The following CCDC7 variants were observed in gnomAD, a reference collection of about 807,000 sequenced individuals.
The protein encoded by CCDC7 is coiled-coil domain containing 7.
A neutral mutation model predicts 196.9 loss-of-function variants in CCDC7; 183 were observed. The observed-to-expected ratio is 0.93, with a 90% CI of 0.82 to 1.05. CCDC7 has a LOEUF of 1.05. Among genes scored for constraint, CCDC7 ranks in the 50% least tolerant of loss-of-function variants. The pLI is 0.00. For missense variants in CCDC7, 1,540 were observed against 1,482.2 expected (o/e 1.04, Z -0.64); for synonymous variants, 525 against 484.6 (o/e 1.08, Z -1.10).
chr10:32,572,112 A>T (rs1336932288), intron 16 of CCDC7, among the ~76,000 whole-genome samples: 1 of 152,150 alleles, frequency 6.6e-6, no homozygotes, highest in Non-Finnish European at 1.5e-5. Context: ...TAAATTAAGG[A>T]CAATGTAGAA....
chr10:32,762,132 G>A (rs1003491248), intron 28 of CCDC7, among the ~76,000 whole-genome samples: 1 of 152,046 alleles, frequency 6.6e-6, no homozygotes, highest in Middle Eastern at 3.4e-3. Flanking sequence ...TTCTTCCTGA[G>A]GAATAAAGGG....
At chr10:32,640,491 G>A (rs1205987869) in intron 20 of CCDC7, among the ~76,000 whole-genome samples, 3 of 152,232 alleles carry the variant, frequency 2.0e-5, no homozygotes. Context: ...TTTAATTGGA[G>A]CTTTTAGCCT....
At chr10:32,593,011 G>A (rs11815761) in intron 18 of CCDC7, among the ~76,000 whole-genome samples, 7,785 of 152,126 alleles carry the variant, frequency 0.051, 657 homozygotes, top group African/African-American at 0.18. Context: ...ATAAACATAT[G>A]TGTGCATGTG....
rs573444823 is a variant in CCDC7 at position 32,472,309 on chromosome 10, A to G, written c.678-172A>G. ...TTACATAGTTTAGTTTGACTTTTCAACTTGTAACTTGTAAGTTTACCTTAG... is the reference window on the plus strand; with the variant it reads ...TTACATAGTTTAGTTTGACTTTTCAGCTTGTAACTTGTAAGTTTACCTTAG... On this transcript the variant is annotated intron_variant, in intron 6 of 41. Coordinates refer to ENST00000639629, the Ensembl canonical transcript of CCDC7. Among the ~76,000 whole-genome samples the G allele has an allele frequency of 5.9e-5, 9 of 152,294 alleles. No individual in the cohort carries two copies. The South Asian group carries it at 1.7e-3, about 28-fold the overall frequency.
At chr10:32,672,353 C>T (rs11597505) in intron 21 of CCDC7, among the ~76,000 whole-genome samples, 21,574 of 152,090 alleles carry the variant, frequency 0.14, 1,885 homozygotes, top group African/African-American at 0.25. Flanking sequence ...GAACGTGTGG[C>T]TCTGGGATTT....
intron 18 of CCDC7, among the ~76,000 whole-genome samples, chr10:32,632,436 CTCTTT>C (rs1412259289): frequency 3.3e-5 from 5 of 151,176 alleles, no homozygotes; most frequent in Non-Finnish European, 7.4e-5. Flanking sequence ...TTGATTTTTG[CTCTTT>C]TCTTATTCTT....
chr10:32,804,033 T>C (rs2085329711), intron 29 of CCDC7, among the ~76,000 whole-genome samples: 1 of 152,180 alleles, frequency 6.6e-6, no homozygotes, highest in Non-Finnish European at 1.5e-5. Flanking sequence ...TATTTTAACA[T>C]TTATTCATGA....
At chr10:32,565,743 G>T in intron 14 of CCDC7, 123 bp downstream of exon 15, 2 of 972,662 alleles carry the variant, frequency 2.1e-6, no homozygotes, top group Non-Finnish European at 2.9e-6. Flanking sequence ...TATTTGGCTA[G>T]GTTTAAACTA....
chr10:32,826,737 C>G (rs10827139), intron 32 of CCDC7, among the ~76,000 whole-genome samples: 13,433 of 152,220 alleles, frequency 0.088, 867 homozygotes, highest in East Asian at 0.33. Context: ...AGGCACCACT[C>G]GAAAGTGGAC....
chr10:32,791,057 C>G (rs921300762), intron 29 of CCDC7, among the ~76,000 whole-genome samples: 1 of 152,140 alleles, frequency 6.6e-6, no homozygotes, highest in African/African-American at 2.4e-5. Flanking sequence ...AGAACCCTAA[C>G]AGCTACACAG....
intron 20 of CCDC7, among the ~76,000 whole-genome samples, chr10:32,641,110 G>T (rs573094701): frequency 6.6e-6 from 1 of 152,186 alleles, no homozygotes; most frequent in Admixed American, 6.5e-5. Flanking sequence ...CAACTTTGGT[G>T]AATCTGACAA....
intron 32 of CCDC7, among the ~76,000 whole-genome samples, chr10:32,833,568 A>C (rs1228165032): frequency 6.6e-6 from 1 of 152,172 alleles, no homozygotes; most frequent in Non-Finnish European, 1.5e-5. Context: ...ACGCAAATGA[A>C]TTAGTACTCC....
chr10:32,636,846 C>T (rs1307275854), intron 20 of CCDC7, among the ~76,000 whole-genome samples: 1 of 152,184 alleles, frequency 6.6e-6, no homozygotes, highest in Non-Finnish European at 1.5e-5. Context: ...GTCCCACCAA[C>T]AGTGTAAAAG....
At chr10:32,453,195 G>A in intron 1 of CCDC7, 149 bp from the exon 3 acceptor site, 1 of 442,106 alleles carries the variant, frequency 2.3e-6, no homozygotes. Flanking sequence ...AATTGGGTAT[G>A]GGATGAAAAA....
chr10:32,851,818 G>A (rs1192933580), exon 40 of CCDC7: 6 of 1,609,506 alleles, frequency 3.7e-6, no homozygotes, highest in African/African-American at 1.3e-5. Flanking sequence ...GGAAACTTAT[G>A]AGTACTCTTC....
Position 32,471,048 on chromosome 10 carries a change from A to C in CCDC7, c.511-16A>C. On this transcript the variant is annotated splice_polypyrimidine_tract_variant and intron_variant, in intron 5 of 41. Transcript: ENST00000639629. ...ATGGGTATTTACTAAATAACTGGTTAATTTTATTATTTTAGATAAGTAAAG... is the reference window on the plus strand; with the variant it reads ...ATGGGTATTTACTAAATAACTGGTTCATTTTATTATTTTAGATAAGTAAAG... The C allele has an allele frequency of 6.4e-7, 1 of 1,556,738 alleles. No homozygotes were observed. Among genetic ancestry groups the C allele is most frequent in the Non-Finnish European group, 8.6e-7 (1 of 1,157,386 alleles).
rs1231776328 is a variant in CCDC7, at chr10:32,778,933, T to C, written c.2906-44T>C. 3.5e-6 allele frequency: 5 copies of C among 1,423,952 alleles called. No homozygotes were observed. The African/African-American group carries it at 4.3e-5, about 12-fold the overall frequency. 88.2% of individuals were successfully genotyped at this position (1,423,952 alleles called of 1,614,324 possible). A position where few individuals can be genotyped will look rare whatever the true frequency, so the allele number is the denominator to read the frequency against. On this transcript the variant is annotated intron_variant, in intron 28 of 41. Transcript: ENST00000639629. ...CATTGCTAGGTGTTTCACAAAATGT[T>C]AGTTTTTTAAATCAACTACTTTGAC... is the stretch of plus-strand genomic sequence containing the variant.
Position 32,543,285 on chromosome 10 carries a change from T to C in CCDC7, c.994-15T>C. On this transcript the variant is annotated splice_polypyrimidine_tract_variant and intron_variant, in intron 11 of 41. Coordinates refer to ENST00000639629, the Ensembl canonical transcript of CCDC7. ...TTTTTAACCCTTTATTTCTGGCTTA[T>C]GTAAAATTATACAGAAAACTAAGCC... is the stretch of plus-strand genomic sequence containing the variant. The C allele has an allele frequency of 7.2e-7, 1 of 1,396,606 alleles. No homozygotes were observed. The allele number at this position is 1,396,606 out of a possible 1,614,324, so 86.5% of individuals were successfully genotyped here.
At chr10:32,845,568 T>C (rs199969144) in exon 35 of CCDC7, 105 of 1,612,436 alleles carry the variant, frequency 6.5e-5, no homozygotes, top group Non-Finnish European at 8.4e-5. Context: ...TCTTTGCCTA[T>C]GCTACTGGAA....
Sources: gnomAD v4.1 joint callset for allele counts (sites outside exome capture counted in the v4.1 genomes callset) on GRCh38, gnomAD v4.1.1 for gene constraint, MANE v1.5 for transcripts, NCBI Gene and HGNC (gene_info 2026-07-23, HGNC 2026-07-21) for gene names.